Variants in LRRC4C observed in about 807,000 individuals in gnomAD.
LRRC4C encodes leucine rich repeat containing 4C, also known as leucine-rich repeat-containing protein 4C.
A neutral mutation model predicts 33.6 loss-of-function variants in LRRC4C; 5 were observed. That is an observed-to-expected ratio of 0.15 (90% CI 0.08 to 0.31). The LOEUF (loss-of-function observed/expected upper bound fraction) is 0.31. Among genes scored for constraint, LRRC4C ranks in the 10% least tolerant of loss-of-function variants. The pLI is 1.00. For synonymous variants in LRRC4C, 329 were observed against 302.0 expected, an observed-to-expected ratio of 1.09 and a Z score of -0.93; for missense variants, 560 against 796.7, an observed-to-expected ratio of 0.70 and a Z score of 3.58.
At chr11:41,454,242 T>C (rs1469454548) in intron 1 of LRRC4C, among the ~76,000 whole-genome samples, 1 of 152,154 alleles carries the variant, frequency 6.6e-6, no homozygotes, top group Non-Finnish European at 1.5e-5. Flanking sequence ...GCTTTTTACA[T>C]CTTTTCTGAT....
intron 3 of LRRC4C, among the ~76,000 whole-genome samples, chr11:40,372,488 A>G (rs139488977): frequency 9.2e-5 from 14 of 152,330 alleles, no homozygotes; most frequent in Non-Finnish European, 1.3e-4. Context: ...ACCTATTCAG[A>G]TAATCCAGGA....
At chr11:40,701,220 C>T (rs1032559615) in intron 2 of LRRC4C, among the ~76,000 whole-genome samples, 2 of 152,088 alleles carry the variant, frequency 1.3e-5, no homozygotes, top group African/African-American at 4.8e-5. Context: ...ATTCAATTTG[C>T]AGTAATGCAC....
intron 5 of LRRC4C, among the ~76,000 whole-genome samples, chr11:40,141,571 A>G (rs1447482605): frequency 1.3e-5 from 2 of 152,232 alleles, no homozygotes; most frequent in East Asian, 3.9e-4. Context: ...AGACTGTACA[A>G]AGAGGAAACC....
At chr11:40,823,023 TCAG>T (rs964800974) in intron 2 of LRRC4C, among the ~76,000 whole-genome samples, 3 of 151,786 alleles carry the variant, frequency 2.0e-5, no homozygotes, top group African/African-American at 7.2e-5. Flanking sequence ...TTCTGTTCTA[TCAG>T]TCTATGTGTT....
At position 40,867,552 on chromosome 11, in the gene LRRC4C, T is replaced by C. The variant is rs79644966; in HGVS notation, c.-407+66083A>G. On this transcript the variant is annotated intron_variant, in intron 2 of 6. Transcript: ENST00000528697. ...CTTCTGAAAAGTAGAAATAAATCAA[T>C]TGGGGGGAAAAAAGAAGCAAGTTCT... Among the ~76,000 whole-genome samples the C allele has an allele frequency of 2.2e-3, 328 of 152,300 alleles. 1 individual carries two copies. The highest frequency in any genetic ancestry group is 7.4e-3 in the African/African-American group (306 of 41,562).
intron 1 of LRRC4C, among the ~76,000 whole-genome samples, chr11:41,198,801 T>C (rs899788899): frequency 6.6e-6 from 1 of 152,042 alleles, no homozygotes; most frequent in African/African-American, 2.4e-5. Flanking sequence ...GACAAACATG[T>C]ATTTCAATCT....
chr11:40,703,434 C>A (rs533628341), intron 2 of LRRC4C, among the ~76,000 whole-genome samples: 2 of 152,096 alleles, frequency 1.3e-5, no homozygotes, highest in South Asian at 4.2e-4. Context: ...AAAAAATTAG[C>A]TGAATGTGGT....
chr11:41,124,864 A>G (rs1942660457), intron 1 of LRRC4C, among the ~76,000 whole-genome samples: 1 of 152,216 alleles, frequency 6.6e-6, no homozygotes, highest in Non-Finnish European at 1.5e-5. Flanking sequence ...GGAAATAAAT[A>G]TATGATGACT....
At position 40,457,103 on chromosome 11, in the gene LRRC4C, G is replaced by GA. The variant is rs74671900; in HGVS notation, c.-269-137383dup. 2.8e-3 allele frequency among the ~76,000 whole-genome samples: 217 copies of GA among 78,846 alleles called. 2 individuals are homozygous for GA. The highest frequency in any genetic ancestry group is 0.021 in the East Asian group (54 of 2,554). 51.7% of individuals were successfully genotyped at this position (78,846 alleles called of 152,430 possible). On this transcript the variant is annotated intron_variant, in intron 3 of 6. Coordinates refer to ENST00000528697, the MANE Select transcript of LRRC4C (RefSeq NM_001258419.2). Reference sequence around the variant, plus strand: ...GCTTTCCTGTGTATTTCTTAAAAAAGAAAAAAAAAAAAGAAAAAAAAAACA... The same window carrying GA: ...GCTTTCCTGTGTATTTCTTAAAAAAGAAAAAAAAAAAAAGAAAAAAAAAACA...
chr11:40,750,658 T>TG (rs377541982), intron 2 of LRRC4C, among the ~76,000 whole-genome samples: 2 of 64,346 alleles, frequency 3.1e-5, no homozygotes, highest in Non-Finnish European at 5.6e-5. Context: ...TGTTGTGGGG[T>TG]GGGGGGAGGG....
intron 2 of LRRC4C, among the ~76,000 whole-genome samples, chr11:40,680,540 A>G (rs1007239912): frequency 1.3e-5 from 2 of 152,096 alleles, no homozygotes; most frequent in Non-Finnish European, 2.9e-5. Context: ...GATCTTTCCC[A>G]TGCTGTTCTC....
chr11:40,930,318 C>A, intron 2 of LRRC4C, among the ~76,000 whole-genome samples: 1 of 152,172 alleles, frequency 6.6e-6, no homozygotes, highest in East Asian at 1.9e-4. Flanking sequence ...TTATCCGCTG[C>A]TAGGACTTCC....
intron 3 of LRRC4C, among the ~76,000 whole-genome samples, chr11:40,553,742 T>A (rs979403405): frequency 6.6e-6 from 1 of 152,222 alleles, no homozygotes; most frequent in Admixed American, 6.5e-5. Flanking sequence ...TTCTTTTAAG[T>A]ATCCGTTTAT....
intron 1 of LRRC4C, among the ~76,000 whole-genome samples, chr11:41,175,703 G>A (rs1253566910): frequency 6.6e-6 from 1 of 152,124 alleles, no homozygotes; most frequent in African/African-American, 2.4e-5. Flanking sequence ...GACTACTACA[G>A]CTTTGTATTA....
intron 2 of LRRC4C, among the ~76,000 whole-genome samples, chr11:40,678,933 T>C (rs866029104): frequency 1.3e-5 from 2 of 151,814 alleles, no homozygotes; most frequent in South Asian, 4.2e-4. Context: ...CAGGCAGAGG[T>C]TGGAACAGTT....
chr11:41,214,423 G>T (rs111639317), intron 1 of LRRC4C, among the ~76,000 whole-genome samples: 4,829 of 151,578 alleles, frequency 0.032, 273 homozygotes, highest in African/African-American at 0.11. Context: ...AACAATGGCT[G>T]GCAACTACCT....
At chr11:40,710,737 C>T (rs1257477558) in intron 2 of LRRC4C, among the ~76,000 whole-genome samples, 1 of 152,138 alleles carries the variant, frequency 6.6e-6, no homozygotes, top group African/African-American at 2.4e-5. Flanking sequence ...TCAGAGCTGT[C>T]AGACAGGGAC....
intron 3 of LRRC4C, among the ~76,000 whole-genome samples, chr11:40,578,973 A>T (rs1958340842): frequency 6.6e-6 from 1 of 152,196 alleles, no homozygotes; most frequent in Non-Finnish European, 1.5e-5. Flanking sequence ...TTCCTTAGAT[A>T]ACTCTTAAAA....
At chr11:40,835,061 C>T (rs1952609412) in intron 2 of LRRC4C, among the ~76,000 whole-genome samples, 1 of 152,062 alleles carries the variant, frequency 6.6e-6, no homozygotes, top group African/African-American at 2.4e-5. Context: ...GTGTCCCAAA[C>T]TGTAGGACTA....
Sources: allele counts gnomAD v4.1 joint callset (sites outside exome capture counted in the v4.1 genomes callset), GRCh38; gene constraint gnomAD v4.1.1; transcripts MANE v1.5; gene names NCBI Gene and HGNC (gene_info 2026-07-23, HGNC 2026-07-21).